HS6ST2: variants seen among roughly 807,000 people sequenced by gnomAD.
HS6ST2 encodes the protein heparan-sulfate 6-O-sulfotransferase 2.
A neutral mutation model predicts 33.0 loss-of-function variants in HS6ST2; 17 were observed. The observed-to-expected ratio is 0.52, with a 90% CI of 0.35 to 0.77. The LOEUF is 0.77. HS6ST2 is among the 30% of genes least tolerant of loss of function. HS6ST2 has a pLI of 0.01. For synonymous variants in HS6ST2, 248 were observed against 237.1 expected (o/e 1.05, Z -0.42); for missense variants, 519 against 551.7 (o/e 0.94, Z 0.59).
At chrX:132,779,036 C>T (rs2064993900) in intron 2 of HS6ST2, among the ~76,000 whole-genome samples, 1 of 112,102 alleles carries the variant, frequency 8.9e-6, no homozygotes, top group Admixed American at 9.5e-5. Flanking sequence ...GCAGCAACCA[C>T]CTGCCTGAGC....
chrX:132,874,313 C>T (rs2148433506), intron 2 of HS6ST2, among the ~76,000 whole-genome samples: 1 of 112,828 alleles, frequency 8.9e-6, no homozygotes, highest in Non-Finnish European at 1.9e-5. Context: ...CATGGTGGCT[C>T]ACTCCTGTAA....
intron 2 of HS6ST2, among the ~76,000 whole-genome samples, chrX:132,829,296 T>C (rs1425603750): frequency 9.5e-6 from 1 of 104,918 alleles, no homozygotes; most frequent in African/African-American, 3.5e-5. Flanking sequence ...TACTAACATA[T>C]AAATCATATA....
intron 2 of HS6ST2, among the ~76,000 whole-genome samples, chrX:132,850,050 C>G (rs1361112996): frequency 4.5e-5 from 5 of 112,194 alleles, no homozygotes; most frequent in Non-Finnish European, 7.5e-5. Flanking sequence ...CTAACAGCAC[C>G]TCCTCATTTT....
chrX:132,813,408 G>A (rs150828860), intron 2 of HS6ST2, among the ~76,000 whole-genome samples: 2,105 of 111,011 alleles, frequency 0.019, 24 homozygotes, highest in Middle Eastern at 0.037. Flanking sequence ...CATTTATTCC[G>A]CCCAGATCAC....
chrX:132,811,959 C>G (rs1175262602), intron 2 of HS6ST2, among the ~76,000 whole-genome samples: 1 of 108,210 alleles, frequency 9.2e-6, no homozygotes, highest in African/African-American at 3.4e-5. Context: ...AGTGGAATGG[C>G]TGGATTATAT....
chrX:132,657,559 C>CTCAAGT (rs2063740051), intron 4 of HS6ST2, among the ~76,000 whole-genome samples: 1 of 109,601 alleles, frequency 9.1e-6, no homozygotes, highest in Non-Finnish European at 1.9e-5. Flanking sequence ...CCCAAAGTTA[C>CTCAAGT]TGAAAACCAC....
intron 2 of HS6ST2, among the ~76,000 whole-genome samples, chrX:132,937,412 C>T (rs758171822): frequency 9.0e-6 from 1 of 111,686 alleles, no homozygotes; most frequent in African/African-American, 3.2e-5. Flanking sequence ...AAAAGGACAA[C>T]GCTGGAGGCA....
At chrX:132,896,265 T>C (rs2066374339) in intron 2 of HS6ST2, among the ~76,000 whole-genome samples, 1 of 110,421 alleles carries the variant, frequency 9.1e-6, no homozygotes, top group African/African-American at 3.3e-5. Flanking sequence ...GGTCAGGAGA[T>C]CGAGACCATC....
At chrX:132,866,658 G>A (rs758658115) in intron 2 of HS6ST2, among the ~76,000 whole-genome samples, 2,671 of 74,009 alleles carry the variant, frequency 0.036, 155 homozygotes, top group African/African-American at 0.14. Flanking sequence ...ATTTCCTTGA[G>A]CAGTGGTTTG....
At chrX:132,654,271 T>G (rs1415516459) in intron 4 of HS6ST2, among the ~76,000 whole-genome samples, 1 of 111,365 alleles carries the variant, frequency 9.0e-6, no homozygotes, top group Non-Finnish European at 1.9e-5. Flanking sequence ...ATATATACAT[T>G]AAATATAAAT....
rs766996386 is a variant in HS6ST2, at chrX:132,816,071, G to A, written c.948-107577C>T. Among the ~76,000 whole-genome samples the A allele has an allele frequency of 2.2e-3, 249 of 111,725 alleles. 2 individuals carry two copies. Among genetic ancestry groups the A allele is most frequent in the Non-Finnish European group, 3.4e-3 (181 of 53,129 alleles). ...CAGCACATAGCATTACTCAACAAATGTTTTTTGAGTTATGAACAGTTGTAC... is the reference window on the plus strand; with the variant it reads ...CAGCACATAGCATTACTCAACAAATATTTTTTGAGTTATGAACAGTTGTAC... On this transcript the variant is annotated intron_variant, in intron 2 of 4. Transcript: ENST00000370833.
At chrX:132,669,239 G>A (rs759690912) in intron 3 of HS6ST2, 40 bp from the exon 4 acceptor site, 1 of 1,108,589 alleles carries the variant, frequency 9.0e-7, no homozygotes, top group South Asian at 2.0e-5. Context: ...TACACAACAA[G>A]GACCACAGAG....
intron 4 of HS6ST2, among the ~76,000 whole-genome samples, chrX:132,656,536 A>G (rs1023061900): frequency 9.0e-6 from 1 of 111,325 alleles, no homozygotes; most frequent in African/African-American, 3.3e-5. Flanking sequence ...GAATTCTGAG[A>G]TTTTAGTGCA....
intron 4 of HS6ST2, among the ~76,000 whole-genome samples, chrX:132,658,679 A>T (rs2063748735): frequency 1.8e-5 from 2 of 112,466 alleles, no homozygotes; most frequent in Non-Finnish European, 3.8e-5. Context: ...TGTAAGATGT[A>T]GATATAATTC....
At chrX:132,882,788 G>T (rs937158143) in intron 2 of HS6ST2, among the ~76,000 whole-genome samples, 5 of 111,268 alleles carry the variant, frequency 4.5e-5, no homozygotes, top group Middle Eastern at 4.6e-3. Flanking sequence ...TTATTATTTT[G>T]AGATACATCC....
At chrX:132,675,869 C>T (rs908144451) in intron 3 of HS6ST2, among the ~76,000 whole-genome samples, 7 of 110,023 alleles carry the variant, frequency 6.4e-5, no homozygotes, top group East Asian at 5.7e-4. Flanking sequence ...AGTCTCTGCA[C>T]GTGTCTCACT....
chrX:132,942,906 A>T (rs928298481), intron 2 of HS6ST2, among the ~76,000 whole-genome samples: 1 of 112,340 alleles, frequency 8.9e-6, no homozygotes, highest in Non-Finnish European at 1.9e-5. Context: ...GCAGTCTACA[A>T]GGGGGTAGAA....
intron 4 of HS6ST2, among the ~76,000 whole-genome samples, chrX:132,666,489 G>A (rs753526423): frequency 2.7e-5 from 3 of 111,472 alleles, no homozygotes; most frequent in Non-Finnish European, 5.6e-5. Flanking sequence ...GATACCTCAG[G>A]TGGGCATATC....
intron 2 of HS6ST2, among the ~76,000 whole-genome samples, chrX:132,729,960 G>A (rs1158584152): frequency 9.1e-6 from 1 of 109,593 alleles, no homozygotes; most frequent in African/African-American, 3.3e-5. Flanking sequence ...GAGGGTCTGG[G>A]TTCTGCCTGC....
Sources: gnomAD v4.1 joint callset for allele counts (sites outside exome capture counted in the v4.1 genomes callset) on GRCh38, gnomAD v4.1.1 for gene constraint, MANE v1.5 for transcripts, NCBI Gene and HGNC (gene_info 2026-07-23, HGNC 2026-07-21) for gene names.